SMARCA4: variants seen among roughly 807,000 people sequenced by gnomAD.
The protein encoded by SMARCA4 is SWI/SNF related BAF chromatin remodeling complex subunit ATPase 4.
A neutral mutation model predicts 193.9 loss-of-function variants in SMARCA4; 31 were observed. The ratio of observed to expected loss-of-function variants is 0.16; its 90% CI spans 0.12 to 0.22. SMARCA4 has a LOEUF of 0.22. Among genes scored for constraint, SMARCA4 ranks in the 10% least tolerant of loss-of-function variants. The pLI is 1.00. For synonymous variants in SMARCA4, 942 were observed against 933.1 expected, an observed-to-expected ratio of 1.01 and a Z score of -0.17; for missense variants, 1,148 against 2,296.0, an observed-to-expected ratio of 0.50 and a Z score of 10.22.
intron 16 of SMARCA4, among the ~76,000 whole-genome samples, chr19:11,016,217 C>T (rs1279825827): frequency 1.3e-5 from 2 of 152,040 alleles, no homozygotes; most frequent in African/African-American, 4.8e-5. Context: ...AGAGCAGGAA[C>T]TCATTCATCC....
Position 10,987,969 on chromosome 19 carries a change from C to T in SMARCA4, c.1118+45C>T. Reference sequence around the variant, plus strand: ...GCCAAGGTCACTGCCCTGTGTCCCCCATGTCCCCCTGGGGAAGCCACTCAA... The same window carrying T: ...GCCAAGGTCACTGCCCTGTGTCCCCTATGTCCCCCTGGGGAAGCCACTCAA... On this transcript the variant is annotated intron_variant, in intron 6 of 34. Transcript: ENST00000344626. This position sits in a 1 kb window ranked among gnomAD's most constrained non-coding sequence, Gnocchi z 5.3. 2 of 1,603,740 alleles carry T rather than the reference C, an allele frequency of 1.2e-6. No individual in the cohort carries two copies. The highest frequency in any genetic ancestry group is 2.2e-5 in the East Asian group (1 of 44,750).
In SMARCA4 at chr19:10,969,868, G is replaced by T. The variant is rs1358647844; in HGVS notation, c.-32+8694G>T. Among the ~76,000 whole-genome samples, 6 of 152,146 alleles carry T rather than the reference G, an allele frequency of 3.9e-5. No homozygotes were observed. The East Asian group carries it at 1.2e-3, about 29-fold the overall frequency. On this transcript the variant is annotated intron_variant, in intron 1 of 34. Transcript: ENST00000344626. ...GTCATTATCAGACCGTGCCACTCCC[G>T]TGCCTGGAACATTCTAGCAGCTCCC...
At chr19:11,038,115 T>G (rs1246958965) in intron 29 of SMARCA4, among the ~76,000 whole-genome samples, 1 of 152,172 alleles carries the variant, frequency 6.6e-6, no homozygotes, top group Non-Finnish European at 1.5e-5. Context: ...TTCTCTGCAT[T>G]CTGGGCCAGA....
rs114469482 is a variant in SMARCA4, at chr19:11,028,629, C to A, written c.3382+679C>A. On this transcript the variant is annotated intron_variant, in intron 24 of 34. Transcript: ENST00000344626. ...TGCCGTAGAGAGGCTCTCAGCCCAA[C>A]CCCCTGCCCTGCGGTCCCTGATGGG... Among the ~76,000 whole-genome samples the A allele has an allele frequency of 1.1e-3, 162 of 152,350 alleles. 1 individual carries two copies. The highest frequency in any genetic ancestry group is 3.7e-3 in the African/African-American group (152 of 41,584).
At chr19:10,997,570 C>T (rs1043180882) in intron 11 of SMARCA4, among the ~76,000 whole-genome samples, 3 of 152,152 alleles carry the variant, frequency 2.0e-5, no homozygotes, top group East Asian at 3.9e-4. Flanking sequence ...AAGTGATCCA[C>T]CCGCCTTGGC....
intron 1 of SMARCA4, among the ~76,000 whole-genome samples, chr19:10,978,394 G>A (rs897807946): frequency 6.6e-6 from 1 of 152,092 alleles, no homozygotes; most frequent in Non-Finnish European, 1.5e-5. Flanking sequence ...GTGCAATGAT[G>A]TAATCTCGGC....
chr19:10,991,284 G>A lies in SMARCA4; in HGVS notation c.1380G>A (p.Gln460=), dbSNP rs2145881729. 6.2e-7 allele frequency: 1 copy of A among 1,610,906 alleles called. No homozygotes were observed. The highest frequency in any genetic ancestry group is 8.5e-7 in the Non-Finnish European group (1 of 1,178,846). The part of the protein sequence containing the change: ...ARITEKLEKQ[Q]KIEQERKRRQ... ...TCACTGAGAAGCTGGAGAAGCAGCA[G>A]AAGATCGAGCAGGAGCGCAAGCGCC... Residue 460 remains glutamine, a synonymous_variant, in exon 8 of 35, where the codon CAG becomes CAA. Coordinates refer to ENST00000344626, the MANE Select transcript of SMARCA4 (RefSeq NM_003072.5).
At chr19:11,008,366 T>G (rs2088451049) in intron 14 of SMARCA4, 1 of 360,252 alleles carries the variant, frequency 2.8e-6, no homozygotes, top group African/African-American at 2.1e-5. Flanking sequence ...AGAGATGCTG[T>G]CTGCATTAGC....
intron 30 of SMARCA4, among the ~76,000 whole-genome samples, chr19:11,053,199 C>CA (rs1254036821): frequency 6.6e-6 from 1 of 151,946 alleles, no homozygotes; most frequent in East Asian, 1.9e-4. Flanking sequence ...TCAGGAGTTA[C>CA]AAAAAACGGA....
rs145829956 is a variant in SMARCA4 at position 11,035,149 on chromosome 19, C to G, written c.4170+17C>G. 4 of 1,602,646 alleles carry G rather than the reference C, an allele frequency of 2.5e-6. No individual in the cohort carries two copies. Among genetic ancestry groups the G allele is most frequent in the Non-Finnish European group, 3.4e-6 (4 of 1,174,160 alleles). On this transcript the variant is annotated intron_variant, in intron 29 of 34. Coordinates refer to ENST00000344626, the MANE Select transcript of SMARCA4 (RefSeq NM_003072.5). ...TGGCTCAAGGTACATGCTGGAGAGG[C>G]CCAGCAGCTGCCGCAGGCCAGCGCC...
chr19:11,049,625 G>C (rs2076145949), intron 30 of SMARCA4, among the ~76,000 whole-genome samples: 1 of 152,032 alleles, frequency 6.6e-6, no homozygotes, highest in Non-Finnish European at 1.5e-5. Flanking sequence ...GAGGCATTTG[G>C]GGCACTGTGT....
rs572952266 is a variant in SMARCA4, at chr19:10,990,936, C to T, written c.1246-214C>T. 4.6e-5 allele frequency among the ~76,000 whole-genome samples: 7 copies of T among 152,304 alleles called. No homozygotes were observed. The South Asian group carries it at 1.4e-3, about 32-fold the overall frequency. ...AGGCAAGCTGGAGGTCCGAGAGGAC[C>T]CCCTGGATAGATGTCCAGAAGTGAT... On this transcript the variant is annotated intron_variant, in intron 7 of 34. Transcript: ENST00000344626.
intron 11 of SMARCA4, among the ~76,000 whole-genome samples, chr19:10,998,092 G>T (rs1304797389): frequency 1.3e-5 from 2 of 151,952 alleles, no homozygotes; most frequent in Admixed American, 6.6e-5. Flanking sequence ...GTCTCATGTT[G>T]CCCAGGCTGG....
rs376852196 is a variant in SMARCA4 at position 11,039,440 on chromosome 19, T to C, written c.4171-1867T>C. 1.3e-6 allele frequency: 2 copies of C among 1,541,326 alleles called. No individual in the cohort carries two copies. The highest frequency in any genetic ancestry group is 2.8e-5 in the African/African-American group (2 of 72,396). On this transcript the variant is annotated intron_variant, in intron 29 of 34. Transcript: ENST00000344626. Reference sequence around the variant, plus strand: ...GTGCACTGAAACACTAAACAGACATTAAAAAATTTTGTTGTAGAAAATTAC... The same window carrying C: ...GTGCACTGAAACACTAAACAGACATCAAAAAATTTTGTTGTAGAAAATTAC...
chr19:10,967,282 G>A (rs573179090), intron 1 of SMARCA4, among the ~76,000 whole-genome samples: 67 of 152,186 alleles, frequency 4.4e-4, no homozygotes, highest in Middle Eastern at 6.8e-3. Flanking sequence ...AGGGAAGGGG[G>A]CTTTCTTGTT....
At chr19:11,048,523 G>C (rs2076076972) in intron 30 of SMARCA4, among the ~76,000 whole-genome samples, 2 of 152,206 alleles carry the variant, frequency 1.3e-5, no homozygotes, top group Admixed American at 6.5e-5. Context: ...ACAATTCAAA[G>C]AGTGAACACG....
Position 10,986,148 on chromosome 19 carries a change from A to C in SMARCA4, c.356-41A>C. 4 of 1,519,546 alleles carry C rather than the reference A, an allele frequency of 2.6e-6. No individual in the cohort carries two copies. The highest frequency in any genetic ancestry group is 2.2e-5 in the South Asian group (2 of 89,180). 94.1% of individuals were successfully genotyped at this position (1,519,546 alleles called of 1,614,324 possible). On this transcript the variant is annotated intron_variant, in intron 3 of 34. Transcript: ENST00000344626. The surrounding 1 kb of genome is among the most constrained non-coding windows in gnomAD (Gnocchi z 6.7). ...GGAAGAGGCTGTAAAAATCACAGAC[A>C]TATGCTGCCGAGTGACCAGTGGGCT...
At position 11,030,937 on chromosome 19, in the gene SMARCA4, G is replaced by T. The variant is rs1157705650; in HGVS notation, c.3546+44G>T. 6.3e-7 allele frequency: 1 copy of T among 1,583,682 alleles called. No homozygotes were observed. The highest frequency in any genetic ancestry group is 8.6e-7 in the Non-Finnish European group (1 of 1,162,080). The stretch of plus-strand genomic sequence containing the variant: ...CCAGGTCGAGGAGAAGGAAGGGGGT[G>T]CCTGCAAAACCTCGAGGAGACGGCC... On this transcript the variant is annotated intron_variant, in intron 25 of 34. Transcript: ENST00000344626. The surrounding 1 kb of genome is among the most constrained non-coding windows in gnomAD (Gnocchi z 5.5).
At chr19:11,057,284 G>C (rs1865070) in intron 30 of SMARCA4, among the ~76,000 whole-genome samples, 152,347 of 152,348 alleles carry the variant, frequency 1, 76,173 homozygotes, top group Non-Finnish European at 1. Context: ...ACCCTGTCCT[G>C]CTGAGCCAGG....
Sources: gnomAD v4.1 joint callset for allele counts (sites outside exome capture counted in the v4.1 genomes callset) on GRCh38, gnomAD v4.1.1 for gene constraint, Gnocchi (gnomAD v3.1) non-coding constraint, MANE v1.5 for transcripts, NCBI Gene and HGNC (gene_info 2026-07-23, HGNC 2026-07-21) for gene names.